Variants in RBFOX1 observed in about 807,000 individuals in gnomAD.
RBFOX1 encodes RNA binding fox-1 homolog 1.
In RBFOX1, 8 loss-of-function variants were observed where a neutral mutation model predicts 57.7. That is an observed-to-expected ratio of 0.14 (90% confidence interval 0.08 to 0.25). The LOEUF (loss-of-function observed/expected upper bound fraction) is 0.25. Among genes scored for constraint, RBFOX1 ranks in the 10% least tolerant of loss-of-function variants. RBFOX1 has a pLI of 1.00. For missense variants in RBFOX1, 611 were observed against 548.5 expected, an observed-to-expected ratio of 1.11 and a Z score of -1.14; for synonymous variants, 326 against 222.4, an observed-to-expected ratio of 1.47 and a Z score of -4.15.
intron 2 of RBFOX1, among the ~76,000 whole-genome samples, chr16:6,595,645 A>C (rs889827925): frequency 6.6e-6 from 1 of 152,162 alleles, no homozygotes; most frequent in Non-Finnish European, 1.5e-5. Flanking sequence ...CCGTTTTCCA[A>C]CGTGGGTACC....
chr16:6,477,855 C>A (rs765070256), intron 2 of RBFOX1, among the ~76,000 whole-genome samples: 3 of 152,212 alleles, frequency 2.0e-5, no homozygotes, highest in African/African-American at 7.2e-5. Context: ...GTTGCTGCAG[C>A]TTCTCCATCA....
At chr16:6,318,094 G>A (rs573024571) in intron 2 of RBFOX1, among the ~76,000 whole-genome samples, 1 of 152,224 alleles carries the variant, frequency 6.6e-6, no homozygotes, top group South Asian at 2.1e-4. Context: ...CTATTGTCTT[G>A]GAATTTGCAT....
chr16:6,169,872 C>T (rs761237441), intron 1 of RBFOX1, among the ~76,000 whole-genome samples: 1 of 152,198 alleles, frequency 6.6e-6, no homozygotes. Context: ...TCAAGTGATT[C>T]TCTGGCCTCA....
chr16:7,450,001 A>G (rs1195279669), intron 4 of RBFOX1, among the ~76,000 whole-genome samples: 2 of 152,198 alleles, frequency 1.3e-5, no homozygotes, highest in Admixed American at 6.5e-5. Context: ...ACTCCGGGCC[A>G]GTATTCAGGA....
chr16:7,295,079 A>C (rs989607531), intron 4 of RBFOX1, among the ~76,000 whole-genome samples: 1 of 152,214 alleles, frequency 6.6e-6, no homozygotes, highest in Non-Finnish European at 1.5e-5. Flanking sequence ...AGTCTTCACA[A>C]AATAGTGAAG....
chr16:5,990,104 G>A (rs911425051), intron 4 of RBFOX1, among the ~76,000 whole-genome samples: 1 of 152,160 alleles, frequency 6.6e-6, no homozygotes, highest in African/African-American at 2.4e-5. Context: ...TTGCTCCTCA[G>A]CCTCTGGAGT....
chr16:5,359,019 A>G (rs2065471130), intron 1 of RBFOX1, among the ~76,000 whole-genome samples: 1 of 151,960 alleles, frequency 6.6e-6, no homozygotes, highest in African/African-American at 2.4e-5. Flanking sequence ...CATGAGTTCA[A>G]TTGTTTTGAT....
intron 3 of RBFOX1, among the ~76,000 whole-genome samples, chr16:6,857,463 G>C (rs754460135): frequency 6.6e-6 from 1 of 152,104 alleles, no homozygotes; most frequent in African/African-American, 2.4e-5. Flanking sequence ...TATTTACATG[G>C]TTTATTTCAC....
At chr16:7,034,841 C>CTTGTTTTTTTTTTT (rs2043855635) in intron 3 of RBFOX1, among the ~76,000 whole-genome samples, 1 of 39,166 alleles carries the variant, frequency 2.6e-5, no homozygotes. Flanking sequence ...TTTTTTTTTT[C>CTTGTTTTTTTTTTT]TTTTTTCTTT....
intron 4 of RBFOX1, among the ~76,000 whole-genome samples, chr16:7,274,387 G>T (rs1476636088): frequency 6.6e-6 from 1 of 152,092 alleles, no homozygotes; most frequent in African/African-American, 2.4e-5. Flanking sequence ...CAATAAAGAA[G>T]AGATGAAACT....
At chr16:6,949,027 G>T (rs1040913108) in intron 3 of RBFOX1, among the ~76,000 whole-genome samples, 1 of 152,108 alleles carries the variant, frequency 6.6e-6, no homozygotes, top group African/African-American at 2.4e-5. Flanking sequence ...AAAGAAATTC[G>T]ACTCTATGGA....
chr16:7,535,089 CTT>C (rs1302372930), intron 5 of RBFOX1, among the ~76,000 whole-genome samples: 2 of 152,176 alleles, frequency 1.3e-5, no homozygotes, highest in Non-Finnish European at 2.9e-5. Context: ...GTACTTCTCT[CTT>C]TTATTAACCG....
At chr16:7,041,988 C>T (rs1446747982) in intron 3 of RBFOX1, among the ~76,000 whole-genome samples, 3 of 152,134 alleles carry the variant, frequency 2.0e-5, no homozygotes, top group African/African-American at 7.2e-5. Flanking sequence ...AGGAGATGTT[C>T]AAGGACTGGA....
chr16:5,393,457 A>C (rs1376387340), intron 1 of RBFOX1, among the ~76,000 whole-genome samples: 1 of 152,140 alleles, frequency 6.6e-6, no homozygotes, highest in African/African-American at 2.4e-5. Flanking sequence ...CTTGCTTGTG[A>C]TGTTGACAAA....
chr16:6,061,130 T>G lies in RBFOX1; in HGVS notation c.-127+41138T>G, dbSNP rs140474039. On this transcript the variant is annotated intron_variant, in intron 1 of 15. Coordinates refer to ENST00000550418, the MANE Select transcript of RBFOX1 (RefSeq NM_018723.4). Reference sequence around the variant, plus strand: ...TTTTCAGAAGTCACCCCTAGTCCAATCTGCTGGACCAGAGGAGGGTCATGG... The same window carrying G: ...TTTTCAGAAGTCACCCCTAGTCCAAGCTGCTGGACCAGAGGAGGGTCATGG... 2.3e-3 allele frequency among the ~76,000 whole-genome samples: 346 copies of G among 152,286 alleles called. 1 individual carries two copies. Among genetic ancestry groups the G allele is most frequent in the Non-Finnish European group, 3.9e-3 (267 of 68,020 alleles).
intron 4 of RBFOX1, among the ~76,000 whole-genome samples, chr16:5,978,800 G>T (rs968621676): frequency 1.3e-5 from 2 of 151,786 alleles, no homozygotes; most frequent in Non-Finnish European, 2.9e-5. Context: ...CTGGGGTTTG[G>T]AGTTGTGGGG....
intron 4 of RBFOX1, among the ~76,000 whole-genome samples, chr16:7,425,290 T>G (rs888223252): frequency 9.2e-5 from 14 of 152,234 alleles, no homozygotes; most frequent in African/African-American, 3.4e-4. Context: ...TTTTTCACTA[T>G]GACTTCTTAT....
intron 4 of RBFOX1, among the ~76,000 whole-genome samples, chr16:5,903,251 A>G (rs376347896): frequency 6.6e-6 from 1 of 152,122 alleles, no homozygotes; most frequent in East Asian, 1.9e-4. Context: ...TCTCCACTCT[A>G]CCTTGTTGCT....
At chr16:5,737,377 T>G (rs1379528191) in intron 3 of RBFOX1, among the ~76,000 whole-genome samples, 1 of 151,924 alleles carries the variant, frequency 6.6e-6, no homozygotes, top group African/African-American at 2.4e-5. Flanking sequence ...CCCAGCTACT[T>G]TGGAAGGCTG....
Sources: gnomAD v4.1 joint callset for allele counts (sites outside exome capture counted in the v4.1 genomes callset) on GRCh38, gnomAD v4.1.1 for gene constraint, MANE v1.5 for transcripts, NCBI Gene and HGNC (gene_info 2026-07-23, HGNC 2026-07-21) for gene names.